MYH16: variants seen among roughly 807,000 people sequenced by gnomAD.
The protein encoded by MYH16 is myosin heavy chain 16, also known as putative uncharacterized protein MYH16.
At position 99,290,195 on chromosome 7, in the gene MYH16, A is replaced by G. The variant is rs565876625; in HGVS notation, n.3824+791A>G. ...TTCTCACATCTGGAATTCTTTAACA[A>G]TATCCTGGCTGGGTGCAGTGGCTCA... On this transcript the variant is annotated intron_variant and non_coding_transcript_variant, in intron 30 of 41. Coordinates refer to ENST00000439784, the Ensembl canonical transcript of MYH16. Among the ~76,000 whole-genome samples, 26 of 152,282 alleles carry G rather than the reference A, an allele frequency of 1.7e-4. No homozygotes were observed. The South Asian group carries it at 5.4e-3, about 32-fold the overall frequency.
intron 14 of MYH16, among the ~76,000 whole-genome samples, chr7:99,263,684 T>C (rs6465748): frequency 0.91 from 138,496 of 152,218 alleles, 63,274 homozygotes; most frequent in East Asian, 1. Context: ...CTTCCAATGA[T>C]TGAACTGATT....
chr7:99,248,899 G>A (rs927865536), intron 3 of MYH16: 6 of 152,630 alleles, frequency 3.9e-5, no homozygotes, highest in Non-Finnish European at 7.3e-5. Flanking sequence ...GGTGGAATTT[G>A]GGGAAGCGCT....
intron 18 of MYH16, among the ~76,000 whole-genome samples, chr7:99,268,613 G>A (rs1161762992): frequency 6.6e-6 from 1 of 152,224 alleles, no homozygotes; most frequent in African/African-American, 2.4e-5. Flanking sequence ...CTGAGGACTA[G>A]GCAGACTGGC....
At chr7:99,279,784 AG>A (rs1171248887) in intron 22 of MYH16, 47 bp downstream of exon 4, 1 of 443,572 alleles carries the variant, frequency 2.3e-6, no homozygotes, top group Admixed American at 2.5e-5. Flanking sequence ...GGCCACCTTC[AG>A]GGGCCATACC....
intron 21 of MYH16, 31 bp downstream of exon 3, chr7:99,277,743 A>C (rs2150818815): frequency 2.2e-6 from 1 of 447,568 alleles, no homozygotes; most frequent in Admixed American, 2.4e-5. Flanking sequence ...GAAGGGTGGG[A>C]AACCCATACA....
At chr7:99,287,358 C>A (rs1792293776) in intron 28 of MYH16, among the ~76,000 whole-genome samples, 1 of 151,712 alleles carries the variant, frequency 6.6e-6, no homozygotes, top group African/African-American at 2.4e-5. Flanking sequence ...CATGGTGAAA[C>A]CCCATCTCTA....
At chr7:99,263,508 TTAGTGG>T (rs1562777095) in intron 14 of MYH16, 1 of 152,574 alleles carries the variant, frequency 6.6e-6, no homozygotes. Flanking sequence ...CTGATGCCCT[TTAGTGG>T]CCAAAATGGA....
intron 21 of MYH16, among the ~76,000 whole-genome samples, chr7:99,278,134 G>A (rs1278209759): frequency 6.6e-6 from 1 of 151,968 alleles, no homozygotes; most frequent in Non-Finnish European, 1.5e-5. Flanking sequence ...GTAGAGACAG[G>A]GTCTTACTAT....
intron 6 of MYH16, among the ~76,000 whole-genome samples, chr7:99,252,008 A>G (rs1001882063): frequency 2.6e-5 from 4 of 152,080 alleles, no homozygotes; most frequent in African/African-American, 9.7e-5. Context: ...CAGCAAACAG[A>G]ACCCTCTTTA....
chr7:99,255,035 G>A (rs11976919), intron 8 of MYH16, among the ~76,000 whole-genome samples: 104,045 of 151,960 alleles, frequency 0.68, 39,671 homozygotes, highest in Non-Finnish European at 0.86. Context: ...TTGGGAGGCC[G>A]AGGCAGGCAG....
chr7:99,279,965 G>A (rs1377702184), intron 22 of MYH16, among the ~76,000 whole-genome samples: 4 of 152,100 alleles, frequency 2.6e-5, no homozygotes, highest in East Asian at 1.9e-4. Flanking sequence ...TCCCCCTCCC[G>A]GGTTCAAGTG....
chr7:99,251,147 G>T, exon 6 of MYH16: 1 of 222,878 alleles, frequency 4.5e-6, no homozygotes, highest in Non-Finnish European at 9.6e-6. Context: ...AGGCCTTTGG[G>T]AACGCCAAGA....
intron 6 of MYH16, chr7:99,252,656 T>C (rs991162952): frequency 6.6e-6 from 1 of 152,372 alleles, no homozygotes. Context: ...CCTGTCCGTG[T>C]GTTTCTCTAT....
At chr7:99,244,943 C>T (rs962115809) in intron 2 of MYH16, among the ~76,000 whole-genome samples, 2 of 152,212 alleles carry the variant, frequency 1.3e-5, no homozygotes, top group Non-Finnish European at 2.9e-5. Context: ...CCTGAGAGAC[C>T]AGGGCAGGGA....
intron 23 of MYH16, among the ~76,000 whole-genome samples, chr7:99,282,736 G>A (rs953263855): frequency 6.6e-6 from 1 of 151,840 alleles, no homozygotes; most frequent in Non-Finnish European, 1.5e-5. Flanking sequence ...AGGCTGAGGC[G>A]AGAGGGTTGC....
At chr7:99,259,849 G>GTGTA (rs1554336603) in intron 11 of MYH16, among the ~76,000 whole-genome samples, 3,785 of 144,944 alleles carry the variant, frequency 0.026, 130 homozygotes, top group African/African-American at 0.081. Flanking sequence ...GTATGTATGT[G>GTGTA]TATATATATA....
intron 30 of MYH16, among the ~76,000 whole-genome samples, chr7:99,290,657 G>T (rs77826266): frequency 6.6e-6 from 1 of 151,936 alleles, no homozygotes; most frequent in Non-Finnish European, 1.5e-5. Context: ...AAAAAAATTA[G>T]CTGGGCATGG....
At chr7:99,273,487 T>C (rs1792072300) in intron 20 of MYH16, 64 bp downstream of exon 2, 8 of 453,968 alleles carry the variant, frequency 1.8e-5, no homozygotes, top group South Asian at 3.1e-5. Flanking sequence ...GAGGGCTTGA[T>C]CCTGGACAGA....
chr7:99,289,047 G>A (rs1028824211), intron 29 of MYH16, among the ~76,000 whole-genome samples: 6 of 151,868 alleles, frequency 4.0e-5, no homozygotes, highest in African/African-American at 1.2e-4. Flanking sequence ...CCAGGATGTC[G>A]AGGCTACAGT....
Sources: gnomAD v4.1 joint callset for allele counts (sites outside exome capture counted in the v4.1 genomes callset) on GRCh38, gnomAD v4.1.1 for gene constraint, MANE v1.5 for transcripts, NCBI Gene and HGNC (gene_info 2026-07-23, HGNC 2026-07-21) for gene names.